SMAD7: variants seen among roughly 807,000 people sequenced by gnomAD.
SMAD7 encodes the protein MAD (mothers against decapentaplegic, Drosophila) homolog 7.
A neutral mutation model predicts 38.7 loss-of-function variants in SMAD7; 8 were observed. The observed-to-expected ratio is 0.21, with a 90% CI of 0.12 to 0.37. The LOEUF (loss-of-function observed/expected upper bound fraction) is 0.37. Among genes scored for constraint, SMAD7 ranks in the 10% least tolerant of loss-of-function variants. The probability of loss-of-function intolerance (pLI) is 1.00; values close to 1 mark genes in which losing one functional copy is unlikely to be tolerated. For synonymous variants in SMAD7, 327 were observed against 265.1 expected (o/e 1.23, Z -2.27); for missense variants, 477 against 577.9 (o/e 0.83, Z 1.79).
In SMAD7 at chr18:48,950,530, G is replaced by A. The variant is rs1599239342; in HGVS notation, c.-106C>T. 1 of 1,153,974 alleles carries A rather than the reference G, an allele frequency of 8.7e-7. No individual in the cohort carries two copies. Among genetic ancestry groups the A allele is most frequent in the Non-Finnish European group, 1.2e-6 (1 of 854,662 alleles). 71.5% of individuals were successfully genotyped at this position (1,153,974 alleles called of 1,614,324 possible). On this transcript the variant is annotated 5_prime_UTR_variant, in exon 1 of 4. Transcript: ENST00000262158. ...CGCCGAGTTGGGGCAGCAGGCGCAGGCGACAGCAGCAGCAGCAGGGGCCCG... is the reference window on the plus strand; with the variant it reads ...CGCCGAGTTGGGGCAGCAGGCGCAGACGACAGCAGCAGCAGCAGGGGCCCG...
rs111248330 is a variant in SMAD7 at position 48,947,171 on chromosome 18, T to C, written c.667+1213A>G. Among the ~76,000 whole-genome samples the C allele has an allele frequency of 4.1e-4, 62 of 152,342 alleles. 2 individuals are homozygous for C. The highest frequency in any genetic ancestry group is 1.4e-3 in the African/African-American group (60 of 41,568). On this transcript the variant is annotated intron_variant, in intron 2 of 3. Transcript: ENST00000262158. ...ATTAATAACCATTTATCTGGTGTTTTGTAAATCGAAAGCAAAATATCACAT... is the reference window on the plus strand; with the variant it reads ...ATTAATAACCATTTATCTGGTGTTTCGTAAATCGAAAGCAAAATATCACAT...
At chr18:48,940,514 G>C (rs1277852670) in intron 3 of SMAD7, among the ~76,000 whole-genome samples, 1 of 151,912 alleles carries the variant, frequency 6.6e-6, no homozygotes, top group African/African-American at 2.4e-5. Context: ...ACTTGGGGAG[G>C]AAAGGGTGGG....
Position 48,948,591 on chromosome 18 carries a change from C to T in SMAD7, c.614-154G>A, listed in dbSNP as rs540837133. The stretch of plus-strand genomic sequence containing the variant: ...AGGCGGTGATTGCCTTGATATTTAG[C>T]TGTCAGATAAACAAAAGAGGCCGCC... On this transcript the variant is annotated intron_variant, in intron 1 of 3. Transcript: ENST00000262158. 9.6e-6 allele frequency: 5 copies of T among 519,822 alleles called. No homozygotes were observed. The East Asian group carries it at 2.0e-4, about 20-fold the overall frequency. The allele number at this position is 519,822 out of a possible 1,614,324, so 32.2% of individuals were successfully genotyped here. A position where few individuals can be genotyped will look rare whatever the true frequency, so the allele number is the denominator to read the frequency against.
intron 2 of SMAD7, among the ~76,000 whole-genome samples, chr18:48,944,614 C>G (rs1012651521): frequency 6.6e-6 from 1 of 152,196 alleles, no homozygotes; most frequent in Non-Finnish European, 1.5e-5. Context: ...AGAGTCCAGC[C>G]CTATCCCATG....
intron 2 of SMAD7, 130 bp from the exon 3 acceptor site, chr18:48,942,685 T>G: frequency 6.4e-7 from 1 of 1,554,812 alleles, no homozygotes; most frequent in South Asian, 1.2e-5. Flanking sequence ...GCGGCCTTGA[T>G]GCTGATTATT....
chr18:48,923,037 G>A (rs559575913), intron 3 of SMAD7, among the ~76,000 whole-genome samples: 1 of 152,286 alleles, frequency 6.6e-6, no homozygotes, highest in African/African-American at 2.4e-5. Flanking sequence ...CCTCAGACTT[G>A]GGACCATAAA....
At chr18:48,948,582 G>T (rs1364799934) in intron 1 of SMAD7, 145 bp from the exon 2 acceptor site, 3 of 531,282 alleles carry the variant, frequency 5.6e-6, no homozygotes, top group Non-Finnish European at 6.7e-6. Flanking sequence ...TGATTGCCTT[G>T]ATATTTAGCT....
intron 3 of SMAD7, chr18:48,933,662 C>T (rs751930254): frequency 1.3e-5 from 2 of 152,520 alleles, no homozygotes; most frequent in Admixed American, 6.5e-5. Context: ...GGACTCCCCA[C>T]GGAGGACACA....
At position 48,949,890 on chromosome 18, in the gene SMAD7, A is replaced by C; in HGVS notation, c.535T>G (p.Cys179Gly). 1 of 1,613,762 alleles carries C rather than the reference A, an allele frequency of 6.2e-7. No homozygotes were observed. Among genetic ancestry groups the C allele is most frequent in the South Asian group, 1.1e-5 (1 of 91,064 alleles). Residue 179 changes from cysteine to glycine, a missense_variant, in exon 1 of 4, where the codon TGC (cysteine) becomes GGC (glycine). By Grantham distance (159) the Cys-to-Gly change is radical. Around this residue, in one of 2 missense-constraint regions of SMAD7, gnomAD observed 376 missense variants for 379.4 expected, o/e 0.99. Transcript: ENST00000262158. ...RHSSEVKRLC[C>G]CESYGKINPE... ...TTGATCTTCCCGTAAGATTCACAGC[A>C]ACACAGCCTCTTGACTTCCGAGGAA...
chr18:48,923,467 AGTT>A (rs138772241), intron 3 of SMAD7, among the ~76,000 whole-genome samples: 4,530 of 151,914 alleles, frequency 0.03, 175 homozygotes, highest in East Asian at 0.15. Flanking sequence ...GGCTCCACTC[AGTT>A]GTTGTTGTTG....
At chr18:48,949,293 A>G (rs1289514641) in intron 1 of SMAD7, 6 of 984,914 alleles carry the variant, frequency 6.1e-6, no homozygotes, top group Non-Finnish European at 6.0e-6. Flanking sequence ...CCACGACAGT[A>G]TCTGGGCCAC....
intron 3 of SMAD7, among the ~76,000 whole-genome samples, chr18:48,935,369 C>T (rs1317239033): frequency 6.6e-6 from 1 of 152,200 alleles, no homozygotes; most frequent in Non-Finnish European, 1.5e-5. Flanking sequence ...TGGGGCTAGC[C>T]ATTCAATACC....
intron 1 of SMAD7, among the ~76,000 whole-genome samples, 177 bp downstream of exon 1, chr18:48,949,635 G>A (rs1263297876): frequency 6.6e-6 from 1 of 152,094 alleles, no homozygotes; most frequent in Non-Finnish European, 1.5e-5. Flanking sequence ...TCTACTTTCA[G>A]CCCCCAGTCT....
Position 48,929,494 on chromosome 18 carries a change from G to A in SMAD7, c.743-7584C>T, listed in dbSNP as rs1283244743. Among the ~76,000 whole-genome samples the A allele has an allele frequency of 5.3e-5, 8 of 151,750 alleles. 1 individual carries two copies. Among genetic ancestry groups the A allele is most frequent in the South Asian group, 4.2e-4 (2 of 4,796 alleles). On this transcript the variant is annotated intron_variant, in intron 3 of 3. Coordinates refer to ENST00000262158, the MANE Select transcript of SMAD7 (RefSeq NM_005904.4). ...CCCTATCTGGATTCCCAACTGGGCA[G>A]CTGGCACTGAATGCTGATTCATTCT...
chr18:48,942,738 C>A, intron 2 of SMAD7, 183 bp from the exon 3 acceptor site: 1 of 1,459,786 alleles, frequency 6.9e-7, no homozygotes, highest in Non-Finnish European at 9.0e-7. Context: ...AGACAGACCA[C>A]AGCACCTTGT....
At chr18:48,949,253 T>C (rs549280973) in intron 1 of SMAD7, 6 of 984,104 alleles carry the variant, frequency 6.1e-6, no homozygotes, top group East Asian at 2.3e-4. Context: ...CATCCAACTC[T>C]CTTTGCCCCA....
At chr18:48,926,376 A>C (rs1276579911) in intron 3 of SMAD7, among the ~76,000 whole-genome samples, 9 of 152,246 alleles carry the variant, frequency 5.9e-5, no homozygotes, top group Non-Finnish European at 1.5e-5. Context: ...ACCCACGGTT[A>C]AATGTGCCCA....
At chr18:48,948,578 C>G in intron 1 of SMAD7, 141 bp from the exon 2 acceptor site, 1 of 553,912 alleles carries the variant, frequency 1.8e-6, no homozygotes. Context: ...GCGGTGATTG[C>G]CTTGATATTT....
chr18:48,937,643 G>A (rs2070086515), intron 3 of SMAD7, among the ~76,000 whole-genome samples: 1 of 152,212 alleles, frequency 6.6e-6, no homozygotes, highest in African/African-American at 2.4e-5. Flanking sequence ...CAGGGTGTGG[G>A]TGTGCACCAG....
Sources: allele counts gnomAD v4.1 joint callset (sites outside exome capture counted in the v4.1 genomes callset), GRCh38; gene constraint gnomAD v4.1.1; regional missense constraint gnomAD v4.1.1; transcripts MANE v1.5; gene names NCBI Gene and HGNC (gene_info 2026-07-23, HGNC 2026-07-21).